SF3B1: variants seen among roughly 807,000 people sequenced by gnomAD.
SF3B1 encodes the protein pre-mRNA processing 10.
SF3B1 carries 12 observed loss-of-function variants against 153.8 expected under a neutral mutation model. The ratio of observed to expected loss-of-function variants is 0.08; its 90% CI spans 0.05 to 0.13. SF3B1 has a LOEUF of 0.13. Among genes scored for constraint, SF3B1 ranks in the 10% least tolerant of loss-of-function variants. The pLI, the probability that SF3B1 is intolerant of heterozygous loss-of-function variation, is 1.00. For synonymous variants in SF3B1, 498 were observed against 525.2 expected (o/e 0.95, Z 0.71); for missense variants, 513 against 1,606.1 (o/e 0.32, Z 11.63).
intron 1 of SF3B1, among the ~76,000 whole-genome samples, chr2:197,425,152 T>C (rs1338869828): frequency 6.7e-6 from 1 of 150,208 alleles, no homozygotes. Flanking sequence ...GCAAAACTCA[T>C]CTCAAATAAA....
chr2:197,432,223 C>T (rs2085451063), intron 1 of SF3B1, among the ~76,000 whole-genome samples: 1 of 152,166 alleles, frequency 6.6e-6, no homozygotes, highest in African/African-American at 2.4e-5. Flanking sequence ...AGGGAAAAAA[C>T]TTTTTCAGCT....
In SF3B1 at chr2:197,423,052, G is replaced by C. The variant is rs1000954945; in HGVS notation, c.195+756C>G. On this transcript the variant is annotated intron_variant, in intron 2 of 24. Coordinates refer to ENST00000335508, the MANE Select transcript of SF3B1 (RefSeq NM_012433.4). ...AATGAAAGGCAGTCCTCCTCCATAG[G>C]AATTCAAACAGACATGAAAAGCTCA... Among the ~76,000 whole-genome samples the C allele has an allele frequency of 4.6e-5, 7 of 152,100 alleles. No homozygotes were observed. In the East Asian group the frequency reaches 1.4e-3, roughly 30 times the overall value.
In SF3B1 at chr2:197,402,388, G is replaced by A. The variant is rs2084944512; in HGVS notation, c.2077+168C>T. ...CAGTAGCCCAAATTTTAGGACAGCT[G>A]TCCTATTAAACATGGACAGGCTGTG... On this transcript the variant is annotated intron_variant, in intron 14 of 24. Transcript: ENST00000335508. This position sits in a 1 kb window ranked among gnomAD's most constrained non-coding sequence, Gnocchi z 4.6. 1 of 701,362 alleles carries A rather than the reference G, an allele frequency of 1.4e-6. No individual in the cohort carries two copies. Among genetic ancestry groups the A allele is most frequent in the African/African-American group, 1.8e-5 (1 of 55,456 alleles). The allele number at this position is 701,362 out of a possible 1,614,324, so 43.4% of individuals were successfully genotyped here.
At chr2:197,418,934 A>G in intron 4 of SF3B1, 1 of 1,601,494 alleles carries the variant, frequency 6.2e-7, no homozygotes, top group South Asian at 1.1e-5. Flanking sequence ...TTCTGACTTC[A>G]AGCAGCAGAA....
At chr2:197,406,678 C>T (rs1401993946) in intron 9 of SF3B1, among the ~76,000 whole-genome samples, 2 of 152,212 alleles carry the variant, frequency 1.3e-5, no homozygotes, top group African/African-American at 4.8e-5. Flanking sequence ...TAAGTTCTGT[C>T]TATCTATACC....
chr2:197,418,731 A>G, intron 4 of SF3B1, 143 bp from the exon 5 acceptor site: 2 of 1,451,020 alleles, frequency 1.4e-6, no homozygotes, highest in Non-Finnish European at 1.8e-6. Flanking sequence ...TAATAATTAT[A>G]CATCTTACTT....
rs2105987481 is a variant in SF3B1, at chr2:197,402,817, G to A, written c.1816C>T (p.Leu606=). 6.2e-7 allele frequency: 1 copy of A among 1,613,090 alleles called. No individual in the cohort carries two copies. The highest frequency in any genetic ancestry group is 2.2e-5 in the East Asian group (1 of 44,870). Residue 606 remains leucine, a synonymous_variant, in exon 14 of 25, where the codon CTG becomes TTG. Coordinates refer to ENST00000335508, the MANE Select transcript of SF3B1 (RefSeq NM_012433.4). The surrounding 1 kb of genome is among the most constrained non-coding windows in gnomAD (Gnocchi z 4.6). ...CTCATGGTAGAGATCATAGTAGCCA[G>A]ACCAGCAGCCTAAAATGTAAACAAA... is the stretch of plus-strand genomic sequence containing the variant. ...IISNLAKAAG[L]ATMISTMRPD... is the part of the protein sequence containing the mutation.
rs72912891 is a variant in SF3B1, at chr2:197,393,229, A to G, written c.3540-41T>C. 1.0e-2 allele frequency: 13,289 copies of G among 1,332,316 alleles called. 98 individuals are homozygous for G. Among genetic ancestry groups the G allele is most frequent in the Non-Finnish European group, 0.013 (11,717 of 927,896 alleles). The allele number at this position is 1,332,316 out of a possible 1,614,324, so 82.5% of individuals were successfully genotyped here. A position where few individuals can be genotyped will look rare whatever the true frequency, so the allele number is the denominator to read the frequency against. ...AAAAAGTCCTTTAAGATGCGGTCTT[A>G]TAAGAAAGGGGGAAAAATCCTTAAA... On this transcript the variant is annotated intron_variant, in intron 23 of 24. Coordinates refer to ENST00000335508, the MANE Select transcript of SF3B1 (RefSeq NM_012433.4).
At chr2:197,403,980 T>C (rs182453180) in intron 11 of SF3B1, among the ~76,000 whole-genome samples, 1 of 152,370 alleles carries the variant, frequency 6.6e-6, no homozygotes, top group East Asian at 1.9e-4. Flanking sequence ...AGTAATTTAA[T>C]AGAACGAACC....
chr2:197,395,929 G>A, intron 23 of SF3B1, 127 bp downstream of exon 23: 1 of 719,974 alleles, frequency 1.4e-6, no homozygotes, highest in East Asian at 2.6e-5. Flanking sequence ...AATGTCCTAA[G>A]ACTCCAGGCT....
Position 197,410,025 on chromosome 2 carries a change from A to G in SF3B1, c.667-18T>C. The G allele has an allele frequency of 6.6e-7, 1 of 1,524,832 alleles. No homozygotes were observed. Among genetic ancestry groups the G allele is most frequent in the Non-Finnish European group, 9.0e-7 (1 of 1,112,516 alleles). 94.5% of individuals were successfully genotyped at this position (1,524,832 alleles called of 1,614,324 possible). A position where few individuals can be genotyped will look rare whatever the true frequency, so the allele number is the denominator to read the frequency against. On this transcript the variant is annotated intron_variant, in intron 6 of 24. Coordinates refer to ENST00000335508, the MANE Select transcript of SF3B1 (RefSeq NM_012433.4). ...CCAGGGGTCTTAAAAAAGCAAAAAAATTTTATTTCACACACCCACACAGAA... is the reference window on the plus strand; with the variant it reads ...CCAGGGGTCTTAAAAAAGCAAAAAAGTTTTATTTCACACACCCACACAGAA...
In SF3B1 at chr2:197,402,680, C is replaced by A. The variant is rs1438110475; in HGVS notation, c.1953G>T (p.Val651=). The A allele has an allele frequency of 1.4e-5, 23 of 1,614,106 alleles. No homozygotes were observed. The highest frequency in any genetic ancestry group is 1.9e-5 in the Non-Finnish European group (23 of 1,180,008). The change falls in exon 14 of 25, where the codon GTG becomes GTT. Residue 651 remains valine, a synonymous_variant. Coordinates refer to ENST00000335508, the MANE Select transcript of SF3B1 (RefSeq NM_012433.4). The surrounding 1 kb of genome is among the most constrained non-coding windows in gnomAD (Gnocchi z 4.6). ...IPSLLPFLKA[V]CKSKKSWQAR... ...CTTGCCAGGACTTCTTGCTTTTGCA[C>A]ACAGCTTTTAAGAAGGGCAATAAAG...
chr2:197,402,278 C>CAT lies in SF3B1; in HGVS notation c.2078-150_2078-149dup, dbSNP rs1315283086. On this transcript the variant is annotated intron_variant, in intron 14 of 24. Coordinates refer to ENST00000335508, the MANE Select transcript of SF3B1 (RefSeq NM_012433.4). This position sits in a 1 kb window ranked among gnomAD's most constrained non-coding sequence, Gnocchi z 4.6. ...AATTAGGTAAAAGCAAAACATGAAC[C>CAT]ATAGCCTGTCAGCAGATAATATAAC... 1 of 849,154 alleles carries CAT rather than the reference C, an allele frequency of 1.2e-6. No homozygotes were observed. The highest frequency in any genetic ancestry group is 1.8e-6 in the Non-Finnish European group (1 of 558,688). The allele number at this position is 849,154 out of a possible 1,614,324, so 52.6% of individuals were successfully genotyped here.
intron 4 of SF3B1, 116 bp downstream of exon 4, chr2:197,420,312 G>A: frequency 1.4e-6 from 1 of 718,166 alleles, no homozygotes; most frequent in Non-Finnish European, 2.5e-6. Flanking sequence ...CTATAGTAAG[G>A]GGGATTTTTA....
At chr2:197,433,337 G>T (rs1260914870) in intron 1 of SF3B1, among the ~76,000 whole-genome samples, 1 of 152,134 alleles carries the variant, frequency 6.6e-6, no homozygotes, top group Non-Finnish European at 1.5e-5. Flanking sequence ...TTTTAGCTGG[G>T]TTTCTAAAAA....
At chr2:197,431,966 A>T (rs753343841) in intron 1 of SF3B1, among the ~76,000 whole-genome samples, 1 of 152,054 alleles carries the variant, frequency 6.6e-6, no homozygotes, top group African/African-American at 2.4e-5. Flanking sequence ...CTAAAAAAAA[A>T]TTGTAAAAAT....
intron 6 of SF3B1, among the ~76,000 whole-genome samples, chr2:197,412,603 C>T (rs1374481890): frequency 1.3e-5 from 2 of 151,640 alleles, no homozygotes; most frequent in Non-Finnish European, 2.9e-5. Flanking sequence ...GTGATCTGCC[C>T]GCTTGGCCTC....
chr2:197,422,601 T>A (rs898289603), intron 2 of SF3B1, among the ~76,000 whole-genome samples: 39 of 150,164 alleles, frequency 2.6e-4, no homozygotes, highest in Non-Finnish European at 4.8e-4. Context: ...TAAAAAAAAA[T>A]AAAAAATAAC....
rs1170282570 is a variant in SF3B1, at chr2:197,401,679, T to C, written c.2370+63A>G. On this transcript the variant is annotated intron_variant, in intron 16 of 24. Transcript: ENST00000335508. This position sits in a 1 kb window ranked among gnomAD's most constrained non-coding sequence, Gnocchi z 4.2. ...TTTTTTTGTTGATTTTTAAAAACAC[T>C]TTAAAATTCTGTTAGAACCATGAAA... is the stretch of plus-strand genomic sequence containing the variant. The C allele has an allele frequency of 6.5e-7, 1 of 1,536,500 alleles. No homozygotes were observed. The highest frequency in any genetic ancestry group is 8.8e-7 in the Non-Finnish European group (1 of 1,131,802).
Sources: gnomAD v4.1 joint callset for allele counts (sites outside exome capture counted in the v4.1 genomes callset) on GRCh38, gnomAD v4.1.1 for gene constraint, Gnocchi (gnomAD v3.1) non-coding constraint, MANE v1.5 for transcripts, NCBI Gene and HGNC (gene_info 2026-07-23, HGNC 2026-07-21) for gene names.